Variants in CD244 observed in about 807,000 individuals in gnomAD.
CD244 encodes CD244 molecule.
CD244 carries 20 observed loss-of-function variants against 45.5 expected under a neutral mutation model. That is an observed-to-expected ratio of 0.44 (90% CI 0.31 to 0.64). The LOEUF is 0.64. Among genes scored for constraint, CD244 ranks in the 30% least tolerant of loss-of-function variants. The pLI is 0.08. For synonymous variants in CD244, 185 were observed against 160.5 expected (o/e 1.15, Z -1.15); for missense variants, 407 against 426.9 (o/e 0.95, Z 0.41).
At chr1:160,845,909 T>C (rs1213411762) in intron 1 of CD244, among the ~76,000 whole-genome samples, 3 of 149,168 alleles carry the variant, frequency 2.0e-5, no homozygotes, top group Non-Finnish European at 4.5e-5. Flanking sequence ...AACCTCTCAA[T>C]ACATCAAAAA....
chr1:160,836,261 A>G lies in CD244; in HGVS notation c.835-7T>C. 1.2e-6 allele frequency: 2 copies of G among 1,611,854 alleles called. No individual in the cohort carries two copies. Among genetic ancestry groups the G allele is most frequent in the Non-Finnish European group, 1.7e-6 (2 of 1,178,056 alleles). ...GAAAAGTCTGCTCCTGCTCCTGCAC[A>G]AGAAATGGAGATGGGGTAACATGAG... is the stretch of plus-strand genomic sequence containing the variant. On this transcript the variant is annotated splice_region_variant and splice_polypyrimidine_tract_variant and intron_variant, in intron 5 of 8. Transcript: ENST00000368034.
At position 160,841,782 on chromosome 1, in the gene CD244, TTTG is replaced by T. The variant is rs1320979030; in HGVS notation, c.178_180del (p.Gln60del). ...CACTTCAATATGTGATGAAATCCAT[TTTG>T]TGAGGGCAGCAACTTCTTCCATGCA... is the stretch of plus-strand genomic sequence containing the variant. On this transcript the variant is annotated inframe_deletion, in exon 2 of 9. Coordinates refer to ENST00000368034, the MANE Select transcript of CD244 (RefSeq NM_016382.4). 6.2e-7 allele frequency: 1 copy of T among 1,613,970 alleles called. No individual in the cohort carries two copies. The highest frequency in any genetic ancestry group is 8.5e-7 in the Non-Finnish European group (1 of 1,179,974).
rs1356704852 is a variant in CD244 at position 160,830,346 on chromosome 1, G to C, written c.*1001C>G. On this transcript the variant is annotated 3_prime_UTR_variant, in exon 9 of 9. Coordinates refer to ENST00000368034, the MANE Select transcript of CD244 (RefSeq NM_016382.4). ...CAGTTCACCCTTGTCGCTTTCCTGGGCTCAGCCAGAGTCACAGCCCTGCTC... is the reference window on the plus strand; with the variant it reads ...CAGTTCACCCTTGTCGCTTTCCTGGCCTCAGCCAGAGTCACAGCCCTGCTC... The C allele has an allele frequency of 6.6e-6, 1 of 152,380 alleles. No individual in the cohort carries two copies. The highest frequency in any genetic ancestry group is 1.5e-5 in the Non-Finnish European group (1 of 68,098). The allele number at this position is 152,380 out of a possible 1,614,324, so 9.4% of individuals were successfully genotyped here. A position where few individuals can be genotyped will look rare whatever the true frequency, so the allele number is the denominator to read the frequency against.
At chr1:160,840,468 G>A (rs1316213039) in intron 3 of CD244, among the ~76,000 whole-genome samples, 3 of 151,724 alleles carry the variant, frequency 2.0e-5, no homozygotes, top group African/African-American at 7.3e-5. Flanking sequence ...TCACCATGTT[G>A]GCCAGGCTGG....
chr1:160,862,695 G>A lies in CD244; in HGVS notation c.-18C>T. 1 of 1,612,164 alleles carries A rather than the reference G, an allele frequency of 6.2e-7. No homozygotes were observed. On this transcript the variant is annotated 5_prime_UTR_variant, in exon 1 of 9. Transcript: ENST00000368034. ...CCCAGCATTTCCACAGGACAGAGGG[G>A]CCAGGCCAGCCCCTCCACCCCACCA...
At chr1:160,848,180 G>T in intron 1 of CD244, 1 of 513,732 alleles carries the variant, frequency 1.9e-6, no homozygotes, top group Admixed American at 2.0e-5. Flanking sequence ...CAGGATTATT[G>T]CAGAATTTAT....
In CD244 at chr1:160,836,223, C is replaced by A. The variant is rs1439497311; in HGVS notation, c.866G>T (p.Ser289Ile). Residue 289 changes from serine to isoleucine, a missense_variant, in exon 6 of 9, where the codon AGC becomes ATC. Ser to Ile is a moderately radical substitution (Grantham distance 142, BLOSUM62 -2). Transcript: ENST00000368034. Reference sequence around the variant, plus strand: ...GGACTGGATCATAGAGTAGATGGTGCTCCCCCCTCCAGGAAAAGTCTGCTC... The same window carrying A: ...GGACTGGATCATAGAGTAGATGGTGATCCCCCCTCCAGGAAAAGTCTGCTC... ...EQEQTFPGGGSTIYSMIQSQS... is the reference protein window; with the variant it reads ...EQEQTFPGGGITIYSMIQSQS... The A allele has an allele frequency of 6.2e-7, 1 of 1,613,820 alleles. No homozygotes were observed. The highest frequency in any genetic ancestry group is 2.2e-5 in the East Asian group (1 of 44,882).
intron 1 of CD244, chr1:160,848,221 T>A: frequency 1.8e-6 from 1 of 546,254 alleles, no homozygotes; most frequent in South Asian, 1.4e-5. Flanking sequence ...CACACCATAA[T>A]GGCACTGGTG....
rs141386975 is a variant in CD244, at chr1:160,835,902, G to C, written c.894+293C>G. Among the ~76,000 whole-genome samples, 18 of 152,342 alleles carry C rather than the reference G, an allele frequency of 1.2e-4. 1 individual carries two copies. Among genetic ancestry groups the C allele is most frequent in the African/African-American group, 4.3e-4 (18 of 41,580 alleles). ...GAAGCAGCAGCAGGGCAAGAAAGCA[G>C]AAGTTGAGTCCCCTAACCAGGTTTC... On this transcript the variant is annotated intron_variant, in intron 6 of 8. Transcript: ENST00000368034.
chr1:160,836,704 G>A (rs957014661), intron 5 of CD244, among the ~76,000 whole-genome samples: 2 of 152,194 alleles, frequency 1.3e-5, no homozygotes, highest in African/African-American at 4.8e-5. Flanking sequence ...GCCCTGGGCA[G>A]CTATAGTGCT....
intron 1 of CD244, among the ~76,000 whole-genome samples, chr1:160,856,218 A>G (rs746529812): frequency 2.0e-5 from 3 of 152,138 alleles, no homozygotes; most frequent in Non-Finnish European, 2.9e-5. Flanking sequence ...AAAGTATCCT[A>G]TAGGGCCCAC....
chr1:160,836,276 G>C lies in CD244; in HGVS notation c.835-22C>G, dbSNP rs1249041648. On this transcript the variant is annotated intron_variant, in intron 5 of 8. Coordinates refer to ENST00000368034, the MANE Select transcript of CD244 (RefSeq NM_016382.4). The stretch of plus-strand genomic sequence containing the variant: ...GCTCCTGCACAAGAAATGGAGATGG[G>C]GTAACATGAGCGACAGTTCGGTCTG... 2.5e-6 allele frequency: 4 copies of C among 1,598,218 alleles called. No individual in the cohort carries two copies. The African/African-American group carries it at 4.0e-5, about 16-fold the overall frequency.
intron 1 of CD244, among the ~76,000 whole-genome samples, chr1:160,853,085 G>A (rs942763672): frequency 6.6e-6 from 1 of 152,076 alleles, no homozygotes; most frequent in African/African-American, 2.4e-5. Flanking sequence ...GTTAATAATG[G>A]CTTTAGTCAT....
chr1:160,841,555 G>A (rs1430328435), intron 2 of CD244, 29 bp downstream of exon 2: 3 of 1,611,680 alleles, frequency 1.9e-6, no homozygotes, highest in Admixed American at 1.7e-5. Flanking sequence ...GAATCAGAGA[G>A]GGCAGTATGA....
intron 1 of CD244, chr1:160,848,645 T>TCATA (rs751149231): frequency 3.7e-4 from 119 of 324,164 alleles, no homozygotes; most frequent in Admixed American, 5.7e-4. Context: ...TAGTATGGAA[T>TCATA]CATACCCTTT....
chr1:160,859,837 G>T (rs1031028745), intron 1 of CD244, among the ~76,000 whole-genome samples: 1 of 151,936 alleles, frequency 6.6e-6, no homozygotes, highest in Admixed American at 6.6e-5. Flanking sequence ...TTGAGCCTGC[G>T]AGGTCGAGGC....
Position 160,832,872 on chromosome 1 carries a change from A to G in CD244, c.961-297T>C, listed in dbSNP as rs200388594. Among the ~76,000 whole-genome samples the G allele has an allele frequency of 2.3e-3, 195 of 86,416 alleles. 2 individuals carry two copies. Among genetic ancestry groups the G allele is most frequent in the African/African-American group, 5.8e-3 (170 of 29,366 alleles). The allele number at this position is 86,416 out of a possible 152,430, so 56.7% of individuals were successfully genotyped here. A position where few individuals can be genotyped will look rare whatever the true frequency, so the allele number is the denominator to read the frequency against. On this transcript the variant is annotated intron_variant, in intron 7 of 8. Coordinates refer to ENST00000368034, the MANE Select transcript of CD244 (RefSeq NM_016382.4). ...CATACACATATGTGTGTGTGTGTGTATATATATATATATATACACACACAC... is the reference window on the plus strand; with the variant it reads ...CATACACATATGTGTGTGTGTGTGTGTATATATATATATATACACACACAC...
chr1:160,838,745 G>C (rs1669420578), intron 4 of CD244, 194 bp downstream of exon 4: 5 of 614,368 alleles, frequency 8.1e-6, no homozygotes, highest in Admixed American at 5.8e-5. Context: ...TCTGCGCATT[G>C]GGATCAGAAG....
At chr1:160,859,736 G>T (rs1670227888) in intron 1 of CD244, among the ~76,000 whole-genome samples, 1 of 130,034 alleles carries the variant, frequency 7.7e-6, no homozygotes. Flanking sequence ...GGGAAACCCT[G>T]TATCTACAAA....
Sources: gnomAD v4.1 joint callset for allele counts (sites outside exome capture counted in the v4.1 genomes callset) on GRCh38, gnomAD v4.1.1 for gene constraint, MANE v1.5 for transcripts, NCBI Gene and HGNC (gene_info 2026-07-23, HGNC 2026-07-21) for gene names.